The following IFT80 variants were observed in gnomAD, a reference collection of about 807,000 sequenced individuals.
IFT80 encodes intraflagellar transport protein 80 homolog.
Under a neutral mutation model 107.9 loss-of-function variants are expected in IFT80, and 79 were observed. That is an observed-to-expected ratio of 0.73 (90% CI 0.61 to 0.88). The LOEUF is 0.88. Among genes scored for constraint, IFT80 ranks in the 40% least tolerant of loss-of-function variants. IFT80 has a pLI of 0.00. For synonymous variants in IFT80, 299 were observed against 300.9 expected (o/e 0.99, Z 0.07); for missense variants, 797 against 914.2 (o/e 0.87, Z 1.65).
intron 8 of IFT80, among the ~76,000 whole-genome samples, chr3:160,333,794 C>T (rs1285440688): frequency 6.6e-6 from 1 of 152,098 alleles, no homozygotes; most frequent in African/African-American, 2.4e-5. Flanking sequence ...AATTGAAGTA[C>T]ACACTAAAAT....
Position 160,279,459 on chromosome 3 carries a change from A to G in IFT80, c.1665-95T>C, listed in dbSNP as rs1036351934. 7.2e-5 allele frequency: 69 copies of G among 960,184 alleles called. 1 individual carries two copies. The South Asian group carries it at 9.1e-4, about 13-fold the overall frequency. 59.5% of individuals were successfully genotyped at this position (960,184 alleles called of 1,614,324 possible). On this transcript the variant is annotated intron_variant, in intron 15 of 19. Transcript: ENST00000326448. ...TTGGGGAGTGGACCGTGAAATACACACGGAGTCTCCAATCTCCAAAAGGCA... is the reference window on the plus strand; with the variant it reads ...TTGGGGAGTGGACCGTGAAATACACGCGGAGTCTCCAATCTCCAAAAGGCA...
intron 8 of IFT80, among the ~76,000 whole-genome samples, chr3:160,349,442 C>G (rs909009936): frequency 6.6e-6 from 1 of 151,420 alleles, no homozygotes; most frequent in Non-Finnish European, 1.5e-5. Context: ...GAGCTAGACT[C>G]CCTCTCAAAA....
chr3:160,334,656 C>T (rs569544120), intron 8 of IFT80, among the ~76,000 whole-genome samples: 1 of 152,262 alleles, frequency 6.6e-6, no homozygotes, highest in Admixed American at 6.5e-5. Context: ...ACCTTGTGAT[C>T]CGCCCTCCTC....
chr3:160,287,912 G>A (rs114179835), intron 12 of IFT80, among the ~76,000 whole-genome samples: 82 of 152,176 alleles, frequency 5.4e-4, no homozygotes, highest in African/African-American at 1.8e-3. Flanking sequence ...TAGCCTCAGA[G>A]TCATTTTCAA....
intron 12 of IFT80, among the ~76,000 whole-genome samples, chr3:160,288,923 G>T (rs1347814566): frequency 1.3e-5 from 2 of 152,158 alleles, no homozygotes; most frequent in Non-Finnish European, 2.9e-5. Context: ...GCTAAAAACA[G>T]AACTACCATT....
Position 160,258,609 on chromosome 3 carries a change from TTTGA to T in IFT80, c.2246_2249del (p.Ile749LysfsTer24). 6.2e-7 allele frequency: 1 copy of T among 1,612,880 alleles called. No homozygotes were observed. Among genetic ancestry groups the T allele is most frequent in the Non-Finnish European group, 8.5e-7 (1 of 1,179,890 alleles). ...TTGTAATTTCCATCTCAATTTTGGCTTTGATTTTCTCCCAATCTATTTGGAGCTG... is the reference window on the plus strand; with the variant it reads ...TTGTAATTTCCATCTCAATTTTGGCTTTTTCTCCCAATCTATTTGGAGCTG... On this transcript the variant is annotated frameshift_variant, in exon 20 of 20. Transcript: ENST00000326448. LOFTEE classifies it high-confidence loss of function.
At chr3:160,301,253 G>A (rs2108267651) in intron 11 of IFT80, among the ~76,000 whole-genome samples, 1 of 152,020 alleles carries the variant, frequency 6.6e-6, no homozygotes, top group East Asian at 1.9e-4. Flanking sequence ...GTTTTATGAT[G>A]AAGTAGGAGA....
intron 1 of IFT80, among the ~76,000 whole-genome samples, chr3:160,393,214 C>G (rs1239603055): frequency 1.3e-5 from 2 of 152,180 alleles, no homozygotes; most frequent in African/African-American, 4.8e-5. Flanking sequence ...TCATGTCAAA[C>G]CATCATAGTC....
At chr3:160,270,882 T>C (rs530769930) in intron 18 of IFT80, among the ~76,000 whole-genome samples, 7 of 152,160 alleles carry the variant, frequency 4.6e-5, no homozygotes, top group Non-Finnish European at 8.8e-5. Context: ...GAGATCTTGA[T>C]TGTGCAAAAC....
intron 8 of IFT80, among the ~76,000 whole-genome samples, chr3:160,341,233 AAC>A (rs1296529567): frequency 2.6e-5 from 4 of 151,968 alleles, no homozygotes; most frequent in African/African-American, 9.7e-5. Flanking sequence ...GCTGGTCTTG[AAC>A]TCTTGGACTC....
At chr3:160,271,515 G>A (rs925630083) in intron 18 of IFT80, among the ~76,000 whole-genome samples, 1 of 152,040 alleles carries the variant, frequency 6.6e-6, no homozygotes, top group Non-Finnish European at 1.5e-5. Context: ...CAGTTTTTGA[G>A]AACAGACTAC....
intron 1 of IFT80, among the ~76,000 whole-genome samples, chr3:160,396,722 T>C (rs767361285): frequency 2.6e-5 from 4 of 152,220 alleles, no homozygotes; most frequent in Non-Finnish European, 5.9e-5. Flanking sequence ...CCCAGTCTTT[T>C]CCAGGTAGGC....
chr3:160,358,471 GT>G (rs1395191873), intron 6 of IFT80, among the ~76,000 whole-genome samples: 3 of 152,042 alleles, frequency 2.0e-5, no homozygotes, highest in African/African-American at 7.2e-5. Context: ...TATTTACCAT[GT>G]AACAAAAAGA....
rs371487356 is a variant in IFT80, at chr3:160,307,772, C to G, written c.967G>C (p.Val323Leu). ...TKRRAMQVRN[V>L]LNDAVDLLEF... ...AGTAAATCCACTGCATCATTAAGAACATTACGAACCTAAACAAGGAAAAAT... is the reference window on the plus strand; with the variant it reads ...AGTAAATCCACTGCATCATTAAGAAGATTACGAACCTAAACAAGGAAAAAT... Residue 323 changes from valine to leucine, a missense_variant, in exon 10 of 20, where the codon GTT becomes CTT. Coordinates refer to ENST00000326448, the MANE Select transcript of IFT80 (RefSeq NM_020800.3). The G allele has an allele frequency of 6.6e-7, 1 of 1,516,158 alleles. No individual in the cohort carries two copies. The highest frequency in any genetic ancestry group is 9.2e-7 in the Non-Finnish European group (1 of 1,091,324). 93.9% of individuals were successfully genotyped at this position (1,516,158 alleles called of 1,614,324 possible). A position where few individuals can be genotyped will look rare whatever the true frequency, so the allele number is the denominator to read the frequency against.
intron 8 of IFT80, among the ~76,000 whole-genome samples, chr3:160,330,196 C>G (rs1718990203): frequency 6.6e-6 from 1 of 152,140 alleles, no homozygotes; most frequent in Non-Finnish European, 1.5e-5. Context: ...AAAAGAACAA[C>G]CAAAACCCTG....
At chr3:160,354,230 C>T (rs1720906325) in intron 8 of IFT80, among the ~76,000 whole-genome samples, 1 of 152,172 alleles carries the variant, frequency 6.6e-6, no homozygotes, top group Non-Finnish European at 1.5e-5. Context: ...GATCTAACAT[C>T]CTGATGTTGT....
chr3:160,360,924 T>C (rs1023362672), intron 6 of IFT80, among the ~76,000 whole-genome samples: 5 of 152,164 alleles, frequency 3.3e-5, no homozygotes, highest in African/African-American at 9.7e-5. Context: ...GTAAAGACCA[T>C]TGATGCTAGG....
chr3:160,307,596 C>A (rs1207589612), intron 10 of IFT80, 67 bp downstream of exon 10: 41 of 899,984 alleles, frequency 4.6e-5, no homozygotes, highest in Non-Finnish European at 6.9e-5. Context: ...GATGTGAAAT[C>A]CTGAAAATAA....
At chr3:160,268,117 G>C (rs1713490523) in intron 19 of IFT80, among the ~76,000 whole-genome samples, 2 of 152,112 alleles carry the variant, frequency 1.3e-5, no homozygotes, top group African/African-American at 4.8e-5. Context: ...AGAGTTAGAA[G>C]CTTTTATTCC....
Sources: gnomAD v4.1 joint callset for allele counts (sites outside exome capture counted in the v4.1 genomes callset) on GRCh38, gnomAD v4.1.1 for gene constraint, MANE v1.5 for transcripts, NCBI Gene and HGNC (gene_info 2026-07-23, HGNC 2026-07-21) for gene names.